Variants in AFAP1 observed in about 807,000 individuals in gnomAD.
The protein encoded by AFAP1 is actin filament associated protein 1.
Under a neutral mutation model 93.9 loss-of-function variants are expected in AFAP1, and 75 were observed. That is an observed-to-expected ratio of 0.80 (90% CI 0.66 to 0.97). AFAP1 has a LOEUF of 0.97. AFAP1 is among the 50% of genes least tolerant of loss of function. The pLI is 0.00. For missense variants in AFAP1, 1,201 were observed against 1,050.8 expected, an observed-to-expected ratio of 1.14 and a Z score of -1.98; for synonymous variants, 517 against 430.7, an observed-to-expected ratio of 1.20 and a Z score of -2.48.
At position 7,939,056 on chromosome 4, in the gene AFAP1, AC is replaced by A. The variant is rs1205999420; in HGVS notation, c.-3+599del. ...TACACTCGCGTCCCAGGCGGGGTCGACCCAGACGAGCCACGGGGCGGCGCAG... is the reference window on the plus strand; with the variant it reads ...TACACTCGCGTCCCAGGCGGGGTCGACCAGACGAGCCACGGGGCGGCGCAG... On this transcript the variant is annotated intron_variant, in intron 1 of 17. Transcript: ENST00000420658. This position sits in a 1 kb window ranked among gnomAD's most constrained non-coding sequence, Gnocchi z 5.6. 6.4e-6 allele frequency: 1 copy of A among 155,066 alleles called. No homozygotes were observed. The highest frequency in any genetic ancestry group is 2.4e-5 in the African/African-American group (1 of 41,102). The allele number at this position is 155,066 out of a possible 1,614,324, so 9.6% of individuals were successfully genotyped here. A position where few individuals can be genotyped will look rare whatever the true frequency, so the allele number is the denominator to read the frequency against.
Position 7,800,322 on chromosome 4 carries a change from A to T in AFAP1, c.1266+120T>A, listed in dbSNP as rs377230652. On this transcript the variant is annotated intron_variant, in intron 10 of 17. Coordinates refer to ENST00000420658, the MANE Select transcript of AFAP1 (RefSeq NM_001134647.2). ...CAGTGAGAGAAAAGAGGGTGGGCCC[A>T]AAAGAGGTACTGTCAGCGAGATGGG... is the stretch of plus-strand genomic sequence containing the variant. The T allele has an allele frequency of 7.2e-5, 75 of 1,039,094 alleles. 2 individuals carry two copies. The South Asian group carries it at 1.0e-3, about 14-fold the overall frequency. 64.4% of individuals were successfully genotyped at this position (1,039,094 alleles called of 1,614,324 possible). A position where few individuals can be genotyped will look rare whatever the true frequency, so the allele number is the denominator to read the frequency against.
At position 7,881,417 on chromosome 4, in the gene AFAP1, G is replaced by A. The variant is rs1392995696; in HGVS notation, c.-2-9337C>T. On this transcript the variant is annotated intron_variant, in intron 1 of 17. Transcript: ENST00000420658. ...CACAGCTCACATCCCACCTCTTGGT[G>A]AAGCCGTCCCTGATCATTCTATCCC... Among the ~76,000 whole-genome samples, 3 of 152,032 alleles carry A rather than the reference G, an allele frequency of 2.0e-5. No homozygotes were observed. The East Asian group carries it at 5.8e-4, about 29-fold the overall frequency.
chr4:7,911,129 T>C (rs1719699703), intron 1 of AFAP1, among the ~76,000 whole-genome samples: 3 of 152,034 alleles, frequency 2.0e-5, no homozygotes, highest in African/African-American at 7.3e-5. Flanking sequence ...AGCAGATGGG[T>C]TGAGAAAGAC....
At chr4:7,772,791 C>A (rs771435826) in intron 16 of AFAP1, 29 bp downstream of exon 16, 1 of 1,605,536 alleles carries the variant, frequency 6.2e-7, no homozygotes, top group South Asian at 1.1e-5. Flanking sequence ...GCCGCGCCAG[C>A]CTCCGAGGTG....
intron 1 of AFAP1, among the ~76,000 whole-genome samples, chr4:7,916,965 G>A (rs1359101839): frequency 6.6e-6 from 1 of 152,098 alleles, no homozygotes; most frequent in Non-Finnish European, 1.5e-5. Context: ...TGAAATGATC[G>A]TAAATCACCT....
At chr4:7,916,348 C>A (rs1720083977) in intron 1 of AFAP1, among the ~76,000 whole-genome samples, 2 of 152,272 alleles carry the variant, frequency 1.3e-5, no homozygotes. Context: ...ATATTTATAT[C>A]CCAAAGGCAG....
At chr4:7,787,843 G>C (rs1344983760) in intron 11 of AFAP1, among the ~76,000 whole-genome samples, 2 of 152,116 alleles carry the variant, frequency 1.3e-5, no homozygotes, top group Non-Finnish European at 1.5e-5. Flanking sequence ...TCCTGCGCTC[G>C]GTCAGTCTCC....
At chr4:7,785,466 C>T (rs2148993142) in intron 12 of AFAP1, among the ~76,000 whole-genome samples, 1 of 152,316 alleles carries the variant, frequency 6.6e-6, no homozygotes, top group East Asian at 1.9e-4. Flanking sequence ...GTGGTCATTC[C>T]TCTATGTCAT....
chr4:7,783,823 T>A (rs998882199), intron 12 of AFAP1, among the ~76,000 whole-genome samples: 5 of 152,076 alleles, frequency 3.3e-5, no homozygotes, highest in African/African-American at 1.2e-4. Flanking sequence ...GTGTAAGGCG[T>A]GCATGTGGAG....
chr4:7,939,118 TG>T lies in AFAP1; in HGVS notation c.-3+537del, dbSNP rs902495281. ...GCAGGGCGGCCGGGACCCACGCGCG[TG>T]GGTCCACGCAACAACCTATAGGTGA... On this transcript the variant is annotated intron_variant, in intron 1 of 17. Transcript: ENST00000420658. This position sits in a 1 kb window ranked among gnomAD's most constrained non-coding sequence, Gnocchi z 5.6. 2.1e-5 allele frequency: 3 copies of T among 144,526 alleles called. No individual in the cohort carries two copies. Among genetic ancestry groups the T allele is most frequent in the Middle Eastern group, 5.5e-4 (1 of 1,812 alleles). The allele number at this position is 144,526 out of a possible 1,614,324, so 9.0% of individuals were successfully genotyped here.
At chr4:7,858,693 C>G (rs555701853) in intron 3 of AFAP1, among the ~76,000 whole-genome samples, 1 of 152,324 alleles carries the variant, frequency 6.6e-6, no homozygotes, top group Admixed American at 6.5e-5. Flanking sequence ...CGCAGGCGCA[C>G]AGCCACTCAC....
chr4:7,904,062 T>C (rs1255564066), intron 1 of AFAP1, among the ~76,000 whole-genome samples: 1 of 152,182 alleles, frequency 6.6e-6, no homozygotes, highest in Non-Finnish European at 1.5e-5. Context: ...CATGTTTTGC[T>C]GAATTTGCCA....
At chr4:7,821,719 G>A (rs1253030206) in intron 6 of AFAP1, among the ~76,000 whole-genome samples, 2 of 152,232 alleles carry the variant, frequency 1.3e-5, no homozygotes, top group Non-Finnish European at 2.9e-5. Flanking sequence ...CCAGATATGT[G>A]TGTAGTAATT....
At position 7,769,002 on chromosome 4, in the gene AFAP1, C is replaced by A. The variant is rs1715023684; in HGVS notation, c.2260G>T (p.Val754Leu). 2 of 1,610,386 alleles carry A rather than the reference C, an allele frequency of 1.2e-6. No individual in the cohort carries two copies. Among genetic ancestry groups the A allele is most frequent in the East Asian group, 2.2e-5 (1 of 44,732 alleles). ...KSGTSSPQSPVFRHRTLENSP... is the reference protein window; with the variant it reads ...KSGTSSPQSPLFRHRTLENSP... ...TTTTCCAGGGTCCGGTGCCGGAACA[C>A]TGGAGACTTAACGGAGAGAGAGAAC... The change falls in exon 17 of 18, where the codon GTG becomes TTG. Residue 754 changes from valine to leucine, a missense_variant. By Grantham distance (32) the Val-to-Leu change is conservative. Coordinates refer to ENST00000420658, the MANE Select transcript of AFAP1 (RefSeq NM_001134647.2).
chr4:7,788,173 A>C (rs1717494128), intron 11 of AFAP1, among the ~76,000 whole-genome samples: 1 of 152,162 alleles, frequency 6.6e-6, no homozygotes, highest in Admixed American at 6.5e-5. Flanking sequence ...CAGGACTAAT[A>C]ATGTAAATCC....
At chr4:7,787,271 T>G (rs1351143935) in intron 11 of AFAP1, among the ~76,000 whole-genome samples, 1 of 152,218 alleles carries the variant, frequency 6.6e-6, no homozygotes, top group South Asian at 2.1e-4. Flanking sequence ...ACGGGAGCGC[T>G]GTGCCCCACA....
At chr4:7,938,783 C>G (rs1433259243) in intron 1 of AFAP1, among the ~76,000 whole-genome samples, 1 of 152,100 alleles carries the variant, frequency 6.6e-6, no homozygotes, top group African/African-American at 2.4e-5. Context: ...AAGCTCCGGG[C>G]AGTAGGGCCC....
At chr4:7,805,245 T>C (rs1467528374) in intron 9 of AFAP1, among the ~76,000 whole-genome samples, 4 of 151,718 alleles carry the variant, frequency 2.6e-5, no homozygotes, top group African/African-American at 9.7e-5. Context: ...AAATGAGACG[T>C]ATCTAGCTTT....
intron 1 of AFAP1, among the ~76,000 whole-genome samples, chr4:7,889,004 C>A (rs1718286229): frequency 6.6e-6 from 1 of 152,008 alleles, no homozygotes; most frequent in South Asian, 2.1e-4. Context: ...GTTGGCCAGA[C>A]TGGTCTCGAA....
Sources: gnomAD v4.1 joint callset for allele counts (sites outside exome capture counted in the v4.1 genomes callset) on GRCh38, gnomAD v4.1.1 for gene constraint, Gnocchi (gnomAD v3.1) non-coding constraint, MANE v1.5 for transcripts, NCBI Gene and HGNC (gene_info 2026-07-23, HGNC 2026-07-21) for gene names.